Variants in MTR observed in about 807,000 individuals in gnomAD.
The protein encoded by MTR is 5-methyltetrahydrofolate-homocysteine methyltransferase.
In MTR, 84 loss-of-function variants were observed where a neutral mutation model predicts 154.8. That is an observed-to-expected ratio of 0.54 (90% CI 0.45 to 0.65). MTR has a LOEUF of 0.65. Among genes scored for constraint, MTR ranks in the 30% least tolerant of loss-of-function variants. The pLI, the probability that MTR is intolerant of heterozygous loss-of-function variation, is 0.00. For synonymous variants in MTR, 554 were observed against 553.9 expected (o/e 1.00, Z 0.00); for missense variants, 1,275 against 1,570.2 (o/e 0.81, Z 3.18).
At chr1:236,847,221 G>C (rs544877093) in intron 15 of MTR, among the ~76,000 whole-genome samples, 1 of 152,054 alleles carries the variant, frequency 6.6e-6, no homozygotes, top group Non-Finnish European at 1.5e-5. Context: ...GCCCCAGGAT[G>C]GGCCTCTGCT....
At chr1:236,814,774 A>G (rs553620638) in intron 6 of MTR, among the ~76,000 whole-genome samples, 2 of 152,316 alleles carry the variant, frequency 1.3e-5, no homozygotes, top group Admixed American at 1.3e-4. Context: ...CCCATTTTCC[A>G]GAACTTTCAT....
intron 12 of MTR, among the ~76,000 whole-genome samples, chr1:236,830,181 C>CT (rs1351639277): frequency 6.6e-6 from 1 of 151,698 alleles, no homozygotes; most frequent in African/African-American, 2.4e-5. Context: ...CAGGCTAGCC[C>CT]TTTATTTTTT....
intron 32 of MTR, 21 bp from the exon 33 acceptor site, chr1:236,897,537 A>G: frequency 6.2e-7 from 1 of 1,607,872 alleles, no homozygotes; most frequent in South Asian, 1.1e-5. Context: ...GGTTTAATAA[A>G]ATGCTTCTCA....
chr1:236,808,848 G>T, intron 4 of MTR, 75 bp downstream of exon 4: 1 of 1,413,128 alleles, frequency 7.1e-7, no homozygotes, highest in South Asian at 1.2e-5. Context: ...TGTCCTTATT[G>T]CAGTTTTTCC....
chr1:236,812,807 T>TA lies in MTR; in HGVS notation c.573dup (p.Leu192ThrfsTer3). On this transcript the variant is annotated frameshift_variant, in exon 6 of 33. Transcript: ENST00000366577. LOFTEE classifies it high-confidence loss of function. ...CTTCTGGATGGCGGGGTTGATATCT[T>TA]ACTCATTGAAACTATTTTTGATACT... is the stretch of plus-strand genomic sequence containing the variant. The TA allele has an allele frequency of 2.5e-6, 4 of 1,614,134 alleles. No homozygotes were observed. The highest frequency in any genetic ancestry group is 3.4e-6 in the Non-Finnish European group (4 of 1,179,990).
At chr1:236,820,579 C>T in intron 8 of MTR, 3 of 481,370 alleles carry the variant, frequency 6.2e-6, no homozygotes, top group Non-Finnish European at 1.1e-5. Context: ...AAATAAGCGT[C>T]AGTTTCTTAA....
intron 15 of MTR, among the ~76,000 whole-genome samples, chr1:236,844,453 CGTGTGTGTGTGTGTGTGTGTGTGTGT>C (rs58179715): frequency 0.34 from 49,913 of 145,410 alleles, 9,107 homozygotes; most frequent in East Asian, 0.43. Context: ...TCAGAAAGGG[CGTGTGTGTGTGTGTGTGTGTGTGTGT>C]GTGTGTGTGT....
rs534166301 is a variant in MTR at position 236,888,896 on chromosome 1, C to CT, written c.2852-284dup. ...TTTGTGCAAGTGAGGATTAACCCGT[C>CT]TGTCTTTCCTTCTTGGGCAGGGGGT... On this transcript the variant is annotated intron_variant, in intron 27 of 32. Coordinates refer to ENST00000366577, the MANE Select transcript of MTR (RefSeq NM_000254.3). Among the ~76,000 whole-genome samples the CT allele has an allele frequency of 3.4e-3, 513 of 152,320 alleles. 1 individual carries two copies. Among genetic ancestry groups the CT allele is most frequent in the Non-Finnish European group, 5.0e-3 (338 of 68,036 alleles).
At position 236,874,705 on chromosome 1, in the gene MTR, TTTTAA is replaced by T; in HGVS notation, c.2474-20_2474-16del. Reference sequence around the variant, plus strand: ...CTCACTGTCCTTTTTGTCCTTTTTTTTTTAAAAAAAAAAAAAATAGATATAATTGG... The same window carrying T: ...CTCACTGTCCTTTTTGTCCTTTTTTTAAAAAAAAAAAATAGATATAATTGG... On this transcript the variant is annotated splice_polypyrimidine_tract_variant and intron_variant, in intron 23 of 32. Coordinates refer to ENST00000366577, the MANE Select transcript of MTR (RefSeq NM_000254.3). 6.5e-7 allele frequency: 1 copy of T among 1,536,830 alleles called. No homozygotes were observed. Among genetic ancestry groups the T allele is most frequent in the African/African-American group, 1.4e-5 (1 of 70,776 alleles).
intron 15 of MTR, among the ~76,000 whole-genome samples, chr1:236,841,680 A>G (rs1049168712): frequency 1.3e-5 from 2 of 148,998 alleles, no homozygotes; most frequent in Non-Finnish European, 3.0e-5. Context: ...GGTAGAGTGC[A>G]TTCTCTGATA....
At chr1:236,878,765 C>G (rs974490511) in intron 24 of MTR, among the ~76,000 whole-genome samples, 8 of 152,170 alleles carry the variant, frequency 5.3e-5, no homozygotes, top group Non-Finnish European at 8.8e-5. Flanking sequence ...GATTTGGGGT[C>G]TTTGGTCCCT....
intron 18 of MTR, among the ~76,000 whole-genome samples, chr1:236,856,107 C>A (rs1171828104): frequency 6.6e-6 from 1 of 152,120 alleles, no homozygotes; most frequent in Non-Finnish European, 1.5e-5. Flanking sequence ...TTGCCTCTGT[C>A]CATAATCATA....
At chr1:236,862,027 G>A (rs188065082) in intron 20 of MTR, among the ~76,000 whole-genome samples, 94 of 152,288 alleles carry the variant, frequency 6.2e-4, no homozygotes, top group Admixed American at 5.2e-3. Flanking sequence ...TTGATTTCCA[G>A]CCTTGTTTTC....
chr1:236,891,107 G>T (rs1025898111), intron 28 of MTR, 26 bp from the exon 29 acceptor site: 1 of 1,613,182 alleles, frequency 6.2e-7, no homozygotes, highest in Admixed American at 1.7e-5. Context: ...ATCTTTAAGT[G>T]AATTCTAATT....
In MTR at chr1:236,838,557, T is replaced by TG. The variant is rs778563154; in HGVS notation, c.1475dup (p.Ala493SerfsTer9). 6.2e-7 allele frequency: 1 copy of TG among 1,614,136 alleles called. No homozygotes were observed. The highest frequency in any genetic ancestry group is 1.1e-5 in the South Asian group (1 of 91,084). On this transcript the variant is annotated frameshift_variant, in exon 15 of 33. Transcript: ENST00000366577. LOFTEE classifies it high-confidence loss of function. Reference sequence around the variant, plus strand: ...AGAAGGCCAGGAAGATTAAAAAGTATGGAGCTGCTATGGTGGTCATGGCTT... The same window carrying TG: ...AGAAGGCCAGGAAGATTAAAAAGTATGGGAGCTGCTATGGTGGTCATGGCTT...
At chr1:236,832,427 G>A (rs1311737815) in intron 13 of MTR, among the ~76,000 whole-genome samples, 1 of 152,204 alleles carries the variant, frequency 6.6e-6, no homozygotes, top group African/African-American at 2.4e-5. Flanking sequence ...GAAAGGGAAA[G>A]ACAAGAAAAT....
chr1:236,858,222 A>C (rs1447327273), intron 18 of MTR, among the ~76,000 whole-genome samples: 1 of 152,206 alleles, frequency 6.6e-6, no homozygotes, highest in African/African-American at 2.4e-5. Flanking sequence ...GGGAGGTCTC[A>C]CAATCATAAT....
At position 236,838,537 on chromosome 1, in the gene MTR, G is replaced by A; in HGVS notation, c.1453G>A (p.Ala485Thr). 1 of 1,614,098 alleles carries A rather than the reference G, an allele frequency of 6.2e-7. No homozygotes were observed. Among genetic ancestry groups the A allele is most frequent in the Non-Finnish European group, 8.5e-7 (1 of 1,180,006 alleles). ...AGGAGAGGACGACTTCTTGGAGAAG[G>A]CCAGGAAGATTAAAAAGTATGGAGC... is the stretch of plus-strand genomic sequence containing the variant. ...KEGEDDFLEKARKIKKYGAAM... is the reference protein window; with the variant it reads ...KEGEDDFLEKTRKIKKYGAAM... The change falls in exon 15 of 33, where the codon GCC becomes ACC. Residue 485 changes from alanine (A) to threonine (T), a missense_variant. By Grantham distance (58) the Ala-to-Thr change is moderately conservative. Transcript: ENST00000366577.
intron 3 of MTR, 141 bp downstream of exon 3, chr1:236,806,374 G>A: frequency 1.3e-6 from 1 of 748,802 alleles, no homozygotes; most frequent in Non-Finnish European, 2.4e-6. Context: ...CAGGGAAAAT[G>A]GTGTGAATCC....
Sources: allele counts gnomAD v4.1 joint callset (sites outside exome capture counted in the v4.1 genomes callset), GRCh38; gene constraint gnomAD v4.1.1; transcripts MANE v1.5; gene names NCBI Gene and HGNC (gene_info 2026-07-23, HGNC 2026-07-21).